TBC1D4: variants seen among roughly 807,000 people sequenced by gnomAD.
The protein encoded by TBC1D4 is TBC1 domain family member 4.
A neutral mutation model predicts 142.5 loss-of-function variants in TBC1D4; 121 were observed. That is an observed-to-expected ratio of 0.85 (90% confidence interval 0.73 to 0.99). The LOEUF (loss-of-function observed/expected upper bound fraction) is 0.99. TBC1D4 is among the 50% of genes least tolerant of loss of function. The pLI is 0.00. For missense variants in TBC1D4, 1,475 were observed against 1,606.6 expected (o/e 0.92, Z 1.40); for synonymous variants, 630 against 628.2 (o/e 1.00, Z -0.04).
At position 75,285,518 on chromosome 13, in the gene TBC1D4, C is replaced by T. The variant is rs1282790546; in HGVS notation, c.*1274G>A. 1 of 152,576 alleles carries T rather than the reference C, an allele frequency of 6.6e-6. No individual in the cohort carries two copies. The highest frequency in any genetic ancestry group is 2.1e-4 in the South Asian group (1 of 4,818). 9.5% of individuals were successfully genotyped at this position (152,576 alleles called of 1,614,324 possible). On this transcript the variant is annotated 3_prime_UTR_variant, in exon 21 of 21. Coordinates refer to ENST00000377636, the MANE Select transcript of TBC1D4 (RefSeq NM_014832.5). ...TGAAAATTACTTTCCTTGCCTATACCCAGCATGCGTGAATGTCATCTAATG... is the reference window on the plus strand; with the variant it reads ...TGAAAATTACTTTCCTTGCCTATACTCAGCATGCGTGAATGTCATCTAATG...
rs752661896 is a variant in TBC1D4 at position 75,460,624 on chromosome 13, G to A, written c.498+20646C>T. 1.7e-4 allele frequency among the ~76,000 whole-genome samples: 26 copies of A among 152,230 alleles called. 1 individual carries two copies. The highest frequency in any genetic ancestry group is 3.2e-4 in the Non-Finnish European group (22 of 68,008). On this transcript the variant is annotated intron_variant, in intron 1 of 20. Coordinates refer to ENST00000377636, the MANE Select transcript of TBC1D4 (RefSeq NM_014832.5). ...CTCTGAGTAACTGGACTGGTTATAA[G>A]AAAGAAGAGAGAGAGGCCAGAGGCA... is the stretch of plus-strand genomic sequence containing the variant.
intron 1 of TBC1D4, among the ~76,000 whole-genome samples, chr13:75,404,113 C>T (rs934546200): frequency 1.4e-5 from 2 of 147,396 alleles, no homozygotes; most frequent in Non-Finnish European, 3.0e-5. Context: ...GCAATAGTTA[C>T]GTGAATCAAA....
intron 13 of TBC1D4, among the ~76,000 whole-genome samples, chr13:75,311,590 T>C (rs928837918): frequency 2.6e-5 from 4 of 152,200 alleles, no homozygotes; most frequent in African/African-American, 9.6e-5. Flanking sequence ...ATCAATATAT[T>C]CATGGCTTTT....
At chr13:75,351,533 A>G (rs1444091910) in intron 4 of TBC1D4, among the ~76,000 whole-genome samples, 1 of 151,918 alleles carries the variant, frequency 6.6e-6, no homozygotes, top group Non-Finnish European at 1.5e-5. Flanking sequence ...CTCGTCATTT[A>G]GCATTAGGTA....
intron 14 of TBC1D4, among the ~76,000 whole-genome samples, chr13:75,308,048 C>T (rs531391115): frequency 1.3e-5 from 2 of 152,278 alleles, no homozygotes; most frequent in South Asian, 2.1e-4. Flanking sequence ...ATGTGCCAGC[C>T]GCACACCCTG....
intron 1 of TBC1D4, among the ~76,000 whole-genome samples, chr13:75,384,649 T>C (rs1238158360): frequency 1.3e-5 from 2 of 151,444 alleles, no homozygotes; most frequent in African/African-American, 4.9e-5. Context: ...AATTCAGTGA[T>C]GATAACATAT....
chr13:75,424,530 A>C (rs1886301696), intron 1 of TBC1D4, among the ~76,000 whole-genome samples: 1 of 152,192 alleles, frequency 6.6e-6, no homozygotes, highest in Non-Finnish European at 1.5e-5. Flanking sequence ...ATTCACGTGG[A>C]ACCACAAAAG....
At chr13:75,416,709 A>C (rs1885934030) in intron 1 of TBC1D4, among the ~76,000 whole-genome samples, 1 of 152,196 alleles carries the variant, frequency 6.6e-6, no homozygotes, top group Non-Finnish European at 1.5e-5. Context: ...CAGGTTGTGG[A>C]TAATAAAAAG....
chr13:75,362,527 C>G lies in TBC1D4; in HGVS notation c.579G>C (p.Glu193Asp). The G allele has an allele frequency of 6.2e-7, 1 of 1,614,214 alleles. No individual in the cohort carries two copies. Among genetic ancestry groups the G allele is most frequent in the Non-Finnish European group, 8.5e-7 (1 of 1,180,034 alleles). Residue 193 changes from glutamate to aspartate, a missense_variant, in exon 2 of 21, where the codon GAG becomes GAC. Around this residue, in one of 2 missense-constraint regions of TBC1D4, gnomAD observed 1,227 missense variants for 1,267.7 expected, o/e 0.97. Coordinates refer to ENST00000377636, the MANE Select transcript of TBC1D4 (RefSeq NM_014832.5). The surrounding 1 kb of genome is among the most constrained non-coding windows in gnomAD (Gnocchi z 4.2). ...KEDAKPSKDN[E>D]DAFYNSQKFE... is the part of the protein sequence containing the mutation. ...ACTTCTGAGAGTTGTAAAAGGCGTC[C>G]TCATTATCTTTGCTGGGTTTGGCAT...
Position 75,481,447 on chromosome 13 carries a change from C to T in TBC1D4, c.321G>A (p.Pro107=). 2.5e-6 allele frequency: 4 copies of T among 1,613,806 alleles called. No homozygotes were observed. Among genetic ancestry groups the T allele is most frequent in the Non-Finnish European group, 3.4e-6 (4 of 1,179,788 alleles). The change falls in exon 1 of 21, where the codon CCG becomes CCA. Residue 107 remains proline (P), a synonymous_variant. Transcript: ENST00000377636. The part of the protein sequence containing the change: ...PGAGASGGTS[P]SATQPNPAVF... ...CCGCCGGGTTGGGCTGCGTGGCCGA[C>T]GGACTAGTGCCCCCCGAGGCCCCAG...
intron 1 of TBC1D4, among the ~76,000 whole-genome samples, chr13:75,423,209 C>A (rs1248291869): frequency 6.6e-6 from 1 of 151,774 alleles, no homozygotes; most frequent in Admixed American, 6.6e-5. Flanking sequence ...CATATATCTG[C>A]ATTAATTTTT....
intron 1 of TBC1D4, among the ~76,000 whole-genome samples, chr13:75,378,504 C>T (rs963049238): frequency 6.6e-6 from 1 of 152,028 alleles, no homozygotes; most frequent in African/African-American, 2.4e-5. Context: ...CTGGGCATGA[C>T]AATAGAATTT....
chr13:75,340,418 C>G (rs1014228082), intron 7 of TBC1D4, among the ~76,000 whole-genome samples: 8 of 152,170 alleles, frequency 5.3e-5, no homozygotes, highest in African/African-American at 1.9e-4. Context: ...GCTAGGGTAC[C>G]ATTTACATGA....
intron 1 of TBC1D4, among the ~76,000 whole-genome samples, chr13:75,384,949 G>A (rs1011285956): frequency 3.9e-5 from 6 of 152,188 alleles, no homozygotes; most frequent in Admixed American, 2.6e-4. Context: ...TGAATAAAAT[G>A]TGAAGAACAT....
intron 8 of TBC1D4, among the ~76,000 whole-genome samples, chr13:75,332,050 C>G (rs541754211): frequency 1.3e-5 from 2 of 152,284 alleles, no homozygotes; most frequent in South Asian, 4.1e-4. Flanking sequence ...TTGATCAAAA[C>G]AGATTGGCTG....
chr13:75,367,603 A>C (rs1882994003), intron 1 of TBC1D4, among the ~76,000 whole-genome samples: 1 of 152,178 alleles, frequency 6.6e-6, no homozygotes. Flanking sequence ...ATAGCAATTT[A>C]AACTAGTCTC....
intron 1 of TBC1D4, among the ~76,000 whole-genome samples, chr13:75,399,056 A>T (rs111376425): frequency 7.7e-4 from 117 of 152,308 alleles, no homozygotes; most frequent in African/African-American, 2.7e-3. Context: ...GAATAAATGA[A>T]ATTAGGCGGG....
At chr13:75,449,585 T>C (rs964782534) in intron 1 of TBC1D4, among the ~76,000 whole-genome samples, 13 of 149,890 alleles carry the variant, frequency 8.7e-5, no homozygotes, top group East Asian at 3.9e-4. Flanking sequence ...TTAACATACA[T>C]AGTTTTTTTT....
At chr13:75,309,819 T>C in intron 14 of TBC1D4, 123 bp downstream of exon 14, 1 of 892,186 alleles carries the variant, frequency 1.1e-6, no homozygotes, top group African/African-American at 1.7e-5. Flanking sequence ...GTAGGTATTC[T>C]TCTTAAAGTG....
Sources: allele counts gnomAD v4.1 joint callset (sites outside exome capture counted in the v4.1 genomes callset), GRCh38; gene constraint gnomAD v4.1.1; regional missense constraint gnomAD v4.1.1; non-coding constraint Gnocchi (gnomAD v3.1); transcripts MANE v1.5; gene names NCBI Gene and HGNC (gene_info 2026-07-23, HGNC 2026-07-21).